Variants in SLC1A2 observed in about 807,000 individuals in gnomAD.
SLC1A2 encodes excitatory amino acid transporter 2.
SLC1A2 carries 15 observed loss-of-function variants against 48.8 expected under a neutral mutation model. The ratio of observed to expected loss-of-function variants is 0.31; its 90% CI spans 0.21 to 0.47. The LOEUF is 0.47. Ranked by LOEUF, SLC1A2 falls within the 20% of genes least tolerant of loss-of-function variation. SLC1A2 has a pLI of 0.99. For synonymous variants in SLC1A2, 279 were observed against 272.6 expected, an observed-to-expected ratio of 1.02 and a Z score of -0.23; for missense variants, 502 against 730.5, an observed-to-expected ratio of 0.69 and a Z score of 3.61.
intron 1 of SLC1A2, chr11:35,323,040 A>G (rs1852127623): frequency 2.3e-6 from 1 of 440,558 alleles, no homozygotes; most frequent in African/African-American, 2.0e-5. Context: ...TGCAAATGAA[A>G]CTTAAAGGGT....
chr11:35,327,445 G>A (rs893342097), intron 1 of SLC1A2, among the ~76,000 whole-genome samples: 5 of 152,110 alleles, frequency 3.3e-5, no homozygotes, highest in East Asian at 1.9e-4. Context: ...GCAAAACAGC[G>A]GGGCCTTAAG....
chr11:35,270,102 G>A (rs1361525922), intron 9 of SLC1A2, among the ~76,000 whole-genome samples: 2 of 152,168 alleles, frequency 1.3e-5, no homozygotes, highest in Non-Finnish European at 2.9e-5. Context: ...GCAAGACTCT[G>A]TCTCAAAAAT....
chr11:35,371,163 G>A (rs1298103907), intron 1 of SLC1A2: 1 of 687,274 alleles, frequency 1.5e-6, no homozygotes, highest in Non-Finnish European at 1.8e-6. Flanking sequence ...AACCTACTTT[G>A]TCTCACCCAC....
intron 1 of SLC1A2, among the ~76,000 whole-genome samples, chr11:35,412,788 A>C (rs1274575333): frequency 4.6e-5 from 7 of 152,228 alleles, no homozygotes; most frequent in Non-Finnish European, 1.5e-5. Context: ...ACTACAAAGC[A>C]CATACCCAAG....
At chr11:35,296,496 T>G (rs779288612) in intron 6 of SLC1A2, among the ~76,000 whole-genome samples, 12 of 152,336 alleles carry the variant, frequency 7.9e-5, no homozygotes, top group Non-Finnish European at 1.6e-4. Context: ...GCAGTTAGTA[T>G]AGCCTCCAGG....
At chr11:35,281,727 G>T (rs1474161383) in intron 8 of SLC1A2, 4 of 152,028 alleles carry the variant, frequency 2.6e-5, no homozygotes, top group Non-Finnish European at 5.9e-5. Context: ...CTGGGAGAGG[G>T]TTAATCTGGA....
At chr11:35,394,245 C>T (rs1488171334) in intron 1 of SLC1A2, among the ~76,000 whole-genome samples, 2 of 152,094 alleles carry the variant, frequency 1.3e-5, no homozygotes, top group African/African-American at 2.4e-5. Flanking sequence ...CTGTCTCCCA[C>T]GTGCCTTCAG....
Position 35,280,856 on chromosome 11 carries a change from C to T in SLC1A2, c.1421+11G>A. 1.3e-6 allele frequency: 2 copies of T among 1,587,636 alleles called. No individual in the cohort carries two copies. Among genetic ancestry groups the T allele is most frequent in the Non-Finnish European group, 1.7e-6 (2 of 1,164,246 alleles). On this transcript the variant is annotated intron_variant, in intron 9 of 10. Coordinates refer to ENST00000278379, the MANE Select transcript of SLC1A2 (RefSeq NM_004171.4). ...CACAGTCCCAGCAGAACCCCATCCA[C>T]AGACACTTACAGCAGCCAGTCCACA...
In SLC1A2 at chr11:35,419,071, A is replaced by C; in HGVS notation, c.-105T>G. ...GAAGTGCGGCCGGGAGCGGTATTTA[A>C]GAGGAGCCTCTGCCCGCCCTTCCAC... On this transcript the variant is annotated 5_prime_UTR_variant, in exon 1 of 11. Coordinates refer to ENST00000278379, the MANE Select transcript of SLC1A2 (RefSeq NM_004171.4). The surrounding 1 kb of genome is among the most constrained non-coding windows in gnomAD (Gnocchi z 5.4). The C allele has an allele frequency of 2.9e-6, 3 of 1,048,350 alleles. No homozygotes were observed. Among genetic ancestry groups the C allele is most frequent in the Non-Finnish European group, 4.2e-6 (3 of 715,726 alleles). The allele number at this position is 1,048,350 out of a possible 1,614,324, so 64.9% of individuals were successfully genotyped here.
At chr11:35,295,347 C>T (rs113534346) in intron 6 of SLC1A2, among the ~76,000 whole-genome samples, 2,555 of 152,292 alleles carry the variant, frequency 0.017, 35 homozygotes, top group Middle Eastern at 0.061. Flanking sequence ...ACCAACTGCA[C>T]CCATTTTTAA....
At chr11:35,337,178 A>G (rs1303122188) in intron 1 of SLC1A2, among the ~76,000 whole-genome samples, 4 of 152,078 alleles carry the variant, frequency 2.6e-5, no homozygotes, top group African/African-American at 9.7e-5. Flanking sequence ...ATGGGTCTAC[A>G]CTGAGTACAG....
intron 1 of SLC1A2, chr11:35,374,471 T>G: frequency 3.2e-6 from 1 of 317,388 alleles, no homozygotes. Flanking sequence ...AACCCCAAAT[T>G]TAAAGAACGA....
intron 6 of SLC1A2, chr11:35,298,383 T>C (rs1851236835): frequency 6.6e-6 from 1 of 152,218 alleles, no homozygotes; most frequent in Non-Finnish European, 1.5e-5. Context: ...ATTCTGCTAT[T>C]ATTACTATTA....
intron 8 of SLC1A2, among the ~76,000 whole-genome samples, chr11:35,283,225 C>T (rs1176861943): frequency 1.3e-5 from 2 of 152,142 alleles, no homozygotes; most frequent in Non-Finnish European, 2.9e-5. Context: ...CCTCCCTACA[C>T]TGAAAATTCT....
At chr11:35,378,091 T>C (rs1422203266) in intron 1 of SLC1A2, among the ~76,000 whole-genome samples, 3 of 152,354 alleles carry the variant, frequency 2.0e-5, no homozygotes, top group East Asian at 1.9e-4. Flanking sequence ...CCCAGCTGAT[T>C]GGTTTTACAC....
intron 1 of SLC1A2, among the ~76,000 whole-genome samples, chr11:35,386,481 A>ATC (rs1348308446): frequency 6.6e-6 from 1 of 152,238 alleles, no homozygotes; most frequent in Non-Finnish European, 1.5e-5. Flanking sequence ...TGCCGATGAA[A>ATC]AGGCATCAAT....
intron 5 of SLC1A2, among the ~76,000 whole-genome samples, chr11:35,304,813 T>A (rs982937132): frequency 2.7e-5 from 4 of 148,404 alleles, no homozygotes; most frequent in African/African-American, 1.0e-4. Context: ...AAATGAATAC[T>A]TTTTTTTTAG....
At chr11:35,392,275 A>ACATTG (rs760225497) in intron 1 of SLC1A2, 13 of 152,216 alleles carry the variant, frequency 8.5e-5, no homozygotes, top group Non-Finnish European at 1.6e-4. Flanking sequence ...TTTTCTAAGT[A>ACATTG]CATTGCTGAG....
intron 1 of SLC1A2, among the ~76,000 whole-genome samples, chr11:35,327,199 C>A (rs1591477887): frequency 6.6e-6 from 1 of 152,150 alleles, no homozygotes; most frequent in Non-Finnish European, 1.5e-5. Flanking sequence ...GGAAATTAAT[C>A]ACACTATTCA....
Sources: gnomAD v4.1 joint callset for allele counts (sites outside exome capture counted in the v4.1 genomes callset) on GRCh38, gnomAD v4.1.1 for gene constraint, Gnocchi (gnomAD v3.1) non-coding constraint, MANE v1.5 for transcripts, NCBI Gene and HGNC (gene_info 2026-07-23, HGNC 2026-07-21) for gene names.